TNNI3K: variants seen among roughly 807,000 people sequenced by gnomAD.
TNNI3K encodes the protein TNNI3 interacting kinase.
In TNNI3K, 140 loss-of-function variants were observed where a neutral mutation model predicts 114.5. That is an observed-to-expected ratio of 1.22 (90% confidence interval 1.07 to 1.41). The LOEUF is 1.41. Among genes scored for constraint, TNNI3K ranks in the 40% most tolerant of loss-of-function variants. The probability of loss-of-function intolerance (pLI) is 0.00; values close to 1 mark genes in which losing one functional copy is unlikely to be tolerated. For missense variants in TNNI3K, 1,125 were observed against 1,007.6 expected, an observed-to-expected ratio of 1.12 and a Z score of -1.58; for synonymous variants, 347 against 347.5, an observed-to-expected ratio of 1.00 and a Z score of 0.02.
At chr1:74,301,755 G>A (rs2100323657) in intron 5 of TNNI3K, among the ~76,000 whole-genome samples, 1 of 152,270 alleles carries the variant, frequency 6.6e-6, no homozygotes, top group East Asian at 1.9e-4. Context: ...CTCAATGAAG[G>A]AGGGGTGCAC....
At chr1:74,291,081 G>T (rs932821139) in intron 5 of TNNI3K, among the ~76,000 whole-genome samples, 6 of 151,554 alleles carry the variant, frequency 4.0e-5, no homozygotes, top group African/African-American at 1.4e-4. Flanking sequence ...AGTTTAAGAA[G>T]TAATTTCTAG....
At chr1:74,466,370 T>C (rs1667682092) in intron 21 of TNNI3K, among the ~76,000 whole-genome samples, 1 of 152,150 alleles carries the variant, frequency 6.6e-6, no homozygotes, top group South Asian at 2.1e-4. Context: ...AGATAGGTCA[T>C]TGGCAGGTTC....
At chr1:74,274,288 A>T (rs982657663) in intron 5 of TNNI3K, among the ~76,000 whole-genome samples, 1 of 151,980 alleles carries the variant, frequency 6.6e-6, no homozygotes, top group Non-Finnish European at 1.5e-5. Context: ...GAATAGGCAA[A>T]GGAGGAGGAG....
intron 6 of TNNI3K, among the ~76,000 whole-genome samples, chr1:74,332,055 TTAAA>T (rs1411926262): frequency 2.0e-5 from 3 of 152,202 alleles, no homozygotes; most frequent in Non-Finnish European, 4.4e-5. Flanking sequence ...ATAATTTACT[TTAAA>T]TATGTGATTC....
In TNNI3K at chr1:74,517,299, G is replaced by A. The variant is rs72981524; in HGVS notation, c.2352-22935G>A. ...GATAGTAAATCAATGCCTCATTAAC[G>A]TTCATTAGAATTTTCACTCCATCCA... On this transcript the variant is annotated intron_variant, in intron 23 of 24. Transcript: ENST00000326637. 3.0e-3 allele frequency among the ~76,000 whole-genome samples: 457 copies of A among 152,244 alleles called. 5 individuals carry two copies. The highest frequency in any genetic ancestry group is 0.014 in the Middle Eastern group (4 of 294).
At chr1:74,416,608 CTCT>C (rs1236818667) in intron 17 of TNNI3K, 2 of 946,106 alleles carry the variant, frequency 2.1e-6, no homozygotes, top group Non-Finnish European at 2.5e-6. Flanking sequence ...TTTCCCCTTC[CTCT>C]TCTATTCATT....
intron 21 of TNNI3K, among the ~76,000 whole-genome samples, chr1:74,485,216 A>G (rs1176602963): frequency 6.6e-6 from 1 of 152,226 alleles, no homozygotes; most frequent in African/African-American, 2.4e-5. Flanking sequence ...TTTAAGAAGG[A>G]TGTAGCTCTT....
intron 2 of TNNI3K, among the ~76,000 whole-genome samples, chr1:74,247,243 C>T (rs992658652): frequency 1.3e-5 from 2 of 152,090 alleles, no homozygotes; most frequent in African/African-American, 2.4e-5. Context: ...CGCCGACCTT[C>T]GCAGTGAGTG....
chr1:74,460,169 A>T (rs978198375), intron 20 of TNNI3K, among the ~76,000 whole-genome samples: 5 of 150,890 alleles, frequency 3.3e-5, no homozygotes, highest in Non-Finnish European at 7.4e-5. Flanking sequence ...TCTGCCTCCC[A>T]GGTTGAAGTG....
intron 2 of TNNI3K, among the ~76,000 whole-genome samples, chr1:74,248,784 A>C (rs1654749860): frequency 6.6e-6 from 1 of 152,128 alleles, no homozygotes; most frequent in African/African-American, 2.4e-5. Context: ...CCCTCAAGGC[A>C]GGTCATAGAA....
chr1:74,433,785 T>C (rs1236106969), intron 17 of TNNI3K, among the ~76,000 whole-genome samples: 2 of 152,098 alleles, frequency 1.3e-5, no homozygotes, highest in African/African-American at 4.8e-5. Context: ...AGCATAACTC[T>C]GACTCAAGTT....
intron 23 of TNNI3K, among the ~76,000 whole-genome samples, chr1:74,522,493 A>G (rs948144863): frequency 6.6e-6 from 1 of 152,118 alleles, no homozygotes; most frequent in East Asian, 1.9e-4. Flanking sequence ...TACGAGTTGC[A>G]TGACTAATTC....
chr1:74,363,119 A>T (rs1662058216), intron 11 of TNNI3K, among the ~76,000 whole-genome samples: 1 of 152,034 alleles, frequency 6.6e-6, no homozygotes, highest in Non-Finnish European at 1.5e-5. Context: ...ATCTGGGTGT[A>T]TCCATTATCA....
At chr1:74,403,087 C>G (rs965230431) in intron 17 of TNNI3K, among the ~76,000 whole-genome samples, 1 of 152,046 alleles carries the variant, frequency 6.6e-6, no homozygotes, top group African/African-American at 2.4e-5. Context: ...TTACATGTCT[C>G]TTGGTGTGTT....
intron 17 of TNNI3K, among the ~76,000 whole-genome samples, chr1:74,413,520 T>G (rs1324530426): frequency 6.6e-6 from 1 of 152,200 alleles, no homozygotes; most frequent in African/African-American, 2.4e-5. Flanking sequence ...TCTGATATGT[T>G]AATGTTTAAG....
chr1:74,457,716 A>T (rs1289417251), intron 20 of TNNI3K, among the ~76,000 whole-genome samples: 1 of 152,176 alleles, frequency 6.6e-6, no homozygotes, highest in East Asian at 1.9e-4. Context: ...TCTAAATTTA[A>T]TTTTATAAAA....
chr1:74,336,617 T>TG (rs1186159181), intron 7 of TNNI3K, among the ~76,000 whole-genome samples: 1 of 151,656 alleles, frequency 6.6e-6, no homozygotes, highest in East Asian at 1.9e-4. Flanking sequence ...TTTTTGTTCT[T>TG]GCGATAGTTT....
intron 2 of TNNI3K, among the ~76,000 whole-genome samples, chr1:74,242,822 G>C (rs1039587338): frequency 1.3e-5 from 2 of 152,008 alleles, no homozygotes; most frequent in African/African-American, 4.8e-5. Context: ...TGAAATCATT[G>C]AGAAGCAACT....
chr1:74,326,035 GA>G (rs1175733337), intron 5 of TNNI3K, among the ~76,000 whole-genome samples: 1 of 152,148 alleles, frequency 6.6e-6, no homozygotes, highest in East Asian at 1.9e-4. Flanking sequence ...ATAGAGAAGA[GA>G]AAATTGTAGC....
Sources: gnomAD v4.1 joint callset for allele counts (sites outside exome capture counted in the v4.1 genomes callset) on GRCh38, gnomAD v4.1.1 for gene constraint, MANE v1.5 for transcripts, NCBI Gene and HGNC (gene_info 2026-07-23, HGNC 2026-07-21) for gene names.